Variants in C1orf105 observed in about 807,000 individuals in gnomAD.
C1orf105 encodes the protein uncharacterized protein C1orf105.
In C1orf105, 17 loss-of-function variants were observed where a neutral mutation model predicts 20.8. That is an observed-to-expected ratio of 0.82 (90% CI 0.56 to 1.23). The LOEUF is 1.23. Among genes scored for constraint, C1orf105 ranks in the 50% most tolerant of loss-of-function variants. The pLI, the probability that C1orf105 is intolerant of heterozygous loss-of-function variation, is 0.00. For missense variants in C1orf105, 219 were observed against 213.5 expected (o/e 1.03, Z -0.16); for synonymous variants, 72 against 72.1 (o/e 1.00, Z 0.01).
Position 172,445,160 on chromosome 1 carries a change from T to TAACC in C1orf105, c.107+3_107+6dup. ...ATTAGTGCTCAGCCTTCCCAGAAGG[T>TAACC]AACCTCTCAGCCACCGAGGGCAAAA... On this transcript the variant is annotated splice_region_variant and intron_variant, in intron 2 of 6. Coordinates refer to ENST00000367727, the MANE Select transcript of C1orf105 (RefSeq NM_139240.4). The TAACC allele has an allele frequency of 6.2e-7, 1 of 1,609,552 alleles. No homozygotes were observed. Among genetic ancestry groups the TAACC allele is most frequent in the Non-Finnish European group, 8.5e-7 (1 of 1,177,832 alleles).
intron 3 of C1orf105, among the ~76,000 whole-genome samples, chr1:172,456,050 A>T (rs1167228148): frequency 2.0e-5 from 3 of 152,122 alleles, no homozygotes; most frequent in Non-Finnish European, 4.4e-5. Flanking sequence ...AAAATGGCCC[A>T]CCTATAGGAG....
chr1:172,426,133 C>A (rs1243586874), intron 1 of C1orf105, among the ~76,000 whole-genome samples: 1 of 152,136 alleles, frequency 6.6e-6, no homozygotes, highest in East Asian at 1.9e-4. Flanking sequence ...TATCTTCAAC[C>A]TATTCTCTGG....
intron 1 of C1orf105, among the ~76,000 whole-genome samples, chr1:172,431,663 G>A (rs971189356): frequency 5.3e-5 from 8 of 152,224 alleles, no homozygotes; most frequent in Admixed American, 1.3e-4. Context: ...TGCAGCTCCC[G>A]GCGTGATCGA....
At chr1:172,426,526 C>A (rs1483401346) in intron 1 of C1orf105, among the ~76,000 whole-genome samples, 1 of 152,024 alleles carries the variant, frequency 6.6e-6, no homozygotes, top group African/African-American at 2.4e-5. Context: ...TCCACCCTCA[C>A]CCTGCCTCTC....
chr1:172,437,428 C>A (rs2072072965), intron 1 of C1orf105, among the ~76,000 whole-genome samples: 1 of 151,882 alleles, frequency 6.6e-6, no homozygotes. Flanking sequence ...AGTTCATGTC[C>A]TTTGCAGGGA....
intron 6 of C1orf105, 150 bp from the exon 7 acceptor site, chr1:172,468,298 AG>A: frequency 1.8e-6 from 1 of 568,814 alleles, no homozygotes; most frequent in Non-Finnish European, 2.7e-6. Context: ...AAAAAATAAA[AG>A]GTGGATTTGA....
At position 172,442,541 on chromosome 1, in the gene C1orf105, A is replaced by G. The variant is rs1243505020; in HGVS notation, c.22-2532A>G. ...TCTTCCAGGAATCGCCGGTCCACAT[A>G]GTTATCAGGAAAGGGCTGTCGCTCA... On this transcript the variant is annotated intron_variant, in intron 1 of 6. Transcript: ENST00000367727. 1 of 1,614,176 alleles carries G rather than the reference A, an allele frequency of 6.2e-7. No individual in the cohort carries two copies. Among genetic ancestry groups the G allele is most frequent in the Non-Finnish European group, 8.5e-7 (1 of 1,179,998 alleles).
At chr1:172,457,780 C>A (rs898842774) in intron 4 of C1orf105, among the ~76,000 whole-genome samples, 7 of 152,186 alleles carry the variant, frequency 4.6e-5, no homozygotes, top group Non-Finnish European at 8.8e-5. Context: ...AGAAGTGGAG[C>A]CACATGCTGC....
At chr1:172,426,839 C>T (rs2071736125) in intron 1 of C1orf105, among the ~76,000 whole-genome samples, 2 of 152,184 alleles carry the variant, frequency 1.3e-5, no homozygotes, top group Admixed American at 1.3e-4. Flanking sequence ...TCATTGTCAT[C>T]ATGCCCATGC....
intron 1 of C1orf105, among the ~76,000 whole-genome samples, chr1:172,434,041 C>A (rs2071957277): frequency 6.6e-6 from 1 of 152,170 alleles, no homozygotes; most frequent in Non-Finnish European, 1.5e-5. Context: ...ATCAATTCAA[C>A]AAGAAGAGCT....
At position 172,421,127 on chromosome 1, in the gene C1orf105, G is replaced by A. The variant is rs144508888; in HGVS notation, c.21+221G>A. ...ATGATAAATTTCAATGCTCTTTATC[G>A]TATAGTTTGGAAAAAATGTTGTACT... On this transcript the variant is annotated intron_variant, in intron 1 of 6. Transcript: ENST00000367727. Among the ~76,000 whole-genome samples, 43 of 152,206 alleles carry A rather than the reference G, an allele frequency of 2.8e-4. No homozygotes were observed. In the East Asian group the frequency reaches 7.1e-3, roughly 25 times the overall value.
chr1:172,464,133 T>G (rs1649880985), intron 5 of C1orf105, among the ~76,000 whole-genome samples: 1 of 152,072 alleles, frequency 6.6e-6, no homozygotes, highest in Non-Finnish European at 1.5e-5. Context: ...ATGAAAAGAA[T>G]GAAGGAAAAA....
rs778700373 is a variant in C1orf105, at chr1:172,456,489, G to C, written c.273G>C (p.Met91Ile). ...GCTCCACATGTCAAGAAATGAAAAT[G>C]GTAGGCAAGGGGGAAGACAGAAATG... ...QLCSTCQEMK[M>I]VQPRTMKIPD... The change falls in exon 4 of 7, where the codon ATG becomes ATC. Residue 91 changes from methionine (M) to isoleucine (I), a missense_variant and splice_region_variant. Transcript: ENST00000367727. 1 of 1,612,854 alleles carries C rather than the reference G, an allele frequency of 6.2e-7. No individual in the cohort carries two copies. Among genetic ancestry groups the C allele is most frequent in the Non-Finnish European group, 8.5e-7 (1 of 1,179,824 alleles).
chr1:172,430,563 C>T (rs938851379), intron 1 of C1orf105, among the ~76,000 whole-genome samples: 6 of 152,110 alleles, frequency 3.9e-5, no homozygotes, highest in African/African-American at 9.7e-5. Context: ...CTTAACTTCT[C>T]GTGCAGCTGG....
chr1:172,443,956 G>C, intron 1 of C1orf105: 1 of 999,716 alleles, frequency 1.0e-6, no homozygotes, highest in Non-Finnish European at 1.2e-6. Flanking sequence ...AGGAGCCCCG[G>C]AAACACTGAC....
intron 6 of C1orf105, among the ~76,000 whole-genome samples, chr1:172,466,517 C>T (rs4244194): frequency 1.3e-5 from 2 of 151,534 alleles, no homozygotes; most frequent in African/African-American, 4.9e-5. Context: ...ACTCATTCTG[C>T]GTTTCCTTTG....
chr1:172,437,728 TATAATAATA>T (rs71111014), intron 1 of C1orf105, among the ~76,000 whole-genome samples: 49 of 144,030 alleles, frequency 3.4e-4, no homozygotes, highest in African/African-American at 4.5e-4. Flanking sequence ...GAACTTAAAG[TATAATAATA>T]ATAATAATAA....
At chr1:172,464,468 T>C (rs938679455) in intron 5 of C1orf105, among the ~76,000 whole-genome samples, 2 of 152,218 alleles carry the variant, frequency 1.3e-5, no homozygotes, top group African/African-American at 4.8e-5. Context: ...CAATTTAAAC[T>C]AATGTAGAAG....
chr1:172,424,305 C>G (rs2071668496), intron 1 of C1orf105, among the ~76,000 whole-genome samples: 1 of 152,230 alleles, frequency 6.6e-6, no homozygotes, highest in African/African-American at 2.4e-5. Flanking sequence ...CCTCTCAAAA[C>G]AGCTACTAAC....
Sources: gnomAD v4.1 joint callset for allele counts (sites outside exome capture counted in the v4.1 genomes callset) on GRCh38, gnomAD v4.1.1 for gene constraint, MANE v1.5 for transcripts, NCBI Gene and HGNC (gene_info 2026-07-23, HGNC 2026-07-21) for gene names.